The following MROH2A variants were observed in gnomAD, a reference collection of about 807,000 sequenced individuals.
MROH2A encodes the protein maestro heat-like repeat-containing protein family member 2A.
In MROH2A, 174 loss-of-function variants were observed where a neutral mutation model predicts 200.4. The ratio of observed to expected loss-of-function variants is 0.87; its 90% CI spans 0.77 to 0.98. The LOEUF (loss-of-function observed/expected upper bound fraction) is 0.98, where lower values mean the gene tolerates loss of function less well. MROH2A is among the 50% of genes least tolerant of loss of function. The pLI is 0.00. For synonymous variants in MROH2A, 829 were observed against 840.4 expected (o/e 0.99, Z 0.23); for missense variants, 2,045 against 2,139.6 (o/e 0.96, Z 0.87).
intron 35 of MROH2A, among the ~76,000 whole-genome samples, chr2:233,825,407 A>G (rs910330618): frequency 2.6e-4 from 39 of 152,322 alleles, no homozygotes; most frequent in Middle Eastern, 3.4e-3. Flanking sequence ...GCCGATTTTC[A>G]AAGGGAATGC....
intron 1 of MROH2A, among the ~76,000 whole-genome samples, chr2:233,778,840 C>T (rs1489227682): frequency 6.6e-6 from 1 of 152,182 alleles, no homozygotes; most frequent in Non-Finnish European, 1.5e-5. Flanking sequence ...AAAAGAACAT[C>T]CATTGATTAT....
At chr2:233,803,787 G>A (rs1400586599) in intron 16 of MROH2A, among the ~76,000 whole-genome samples, 3 of 152,130 alleles carry the variant, frequency 2.0e-5, no homozygotes, top group Non-Finnish European at 4.4e-5. Context: ...GCTCAGTCCA[G>A]GACCCATGAG....
At chr2:233,792,403 C>T (rs1309946445) in intron 5 of MROH2A, among the ~76,000 whole-genome samples, 1 of 151,742 alleles carries the variant, frequency 6.6e-6, no homozygotes, top group Admixed American at 6.6e-5. Context: ...AGCTCCGCCT[C>T]CCGGGTTCAC....
In MROH2A at chr2:233,822,966, G is replaced by A. The variant is rs1229666959; in HGVS notation, c.3952G>A (p.Asp1318Asn). Residue 1318 changes from aspartate (D) to asparagine (N), a missense_variant, in exon 34 of 42, where the codon GAC becomes AAC. Coordinates refer to ENST00000389758, the MANE Select transcript of MROH2A (RefSeq NM_001394639.1). ...AHTLDEQAVW[D>N]LLQDGGTFLE... ...TACCCTGGACGAGCAGGCAGTGTGG[G>A]ACCTCCTGCAGGACGGCGGGACATT... The A allele has an allele frequency of 6.4e-7, 1 of 1,550,446 alleles. No homozygotes were observed. The highest frequency in any genetic ancestry group is 1.4e-5 in the African/African-American group (1 of 73,042).
chr2:233,814,557 ATC>A (rs955086935), intron 25 of MROH2A, 23 bp from the exon 26 acceptor site: 3 of 1,535,050 alleles, frequency 2.0e-6, no homozygotes, highest in Non-Finnish European at 2.6e-6. Context: ...ATTGCCGCCT[ATC>A]TCTCTCTCCC....
chr2:233,782,260 T>C (rs369960690), intron 3 of MROH2A, among the ~76,000 whole-genome samples: 1 of 152,232 alleles, frequency 6.6e-6, no homozygotes, highest in Non-Finnish European at 1.5e-5. Flanking sequence ...GGTATTTTGA[T>C]AGAGATTTCA....
rs1420661147 is a variant in MROH2A, at chr2:233,798,787, T to C, written c.1266T>C (p.Ser422=). ...TTCCTCTTTCAGAGCCCAGGATGAG[T>C]ATCAGGGCCATCTACCTGGCTATCC... The part of the protein sequence containing the change: ...AIVSADEPRM[S]IRAIYLAIRV... The change falls in exon 12 of 42, where the codon AGT becomes AGC. Residue 422 remains serine (S), a synonymous_variant. Transcript: ENST00000389758. 1 of 1,550,088 alleles carries C rather than the reference T, an allele frequency of 6.5e-7. No homozygotes were observed. Among genetic ancestry groups the C allele is most frequent in the East Asian group, 2.4e-5 (1 of 40,886 alleles).
chr2:233,800,389 TC>T, intron 14 of MROH2A, 74 bp downstream of exon 14: 1 of 846,208 alleles, frequency 1.2e-6, no homozygotes, highest in Non-Finnish European at 1.8e-6. Flanking sequence ...TGCCCAGAAT[TC>T]CACATCTTTG....
intron 3 of MROH2A, among the ~76,000 whole-genome samples, chr2:233,787,794 A>ATC (rs55670598): frequency 9.4e-4 from 4 of 4,256 alleles, no homozygotes; most frequent in African/African-American, 4.1e-3. Context: ...TATCATATAT[A>ATC]ATATATATTA....
intron 24 of MROH2A, 100 bp downstream of exon 24, chr2:233,812,059 C>T: frequency 1.2e-6 from 1 of 821,884 alleles, no homozygotes; most frequent in South Asian, 1.5e-5. Flanking sequence ...TTTTTCCTCT[C>T]CTCCCTCTGT....
chr2:233,807,744 G>A lies in MROH2A; in HGVS notation c.2184G>A (p.Met728Ile), dbSNP rs1172273559. Residue 728 changes from methionine to isoleucine, a missense_variant, in exon 21 of 42, where the codon ATG becomes ATA. Met to Ile is a conservative substitution (Grantham distance 10, BLOSUM62 1). Around this residue, in one of 3 missense-constraint regions of MROH2A, gnomAD observed 1,201 missense variants for 1,311.3 expected, o/e 0.92. Transcript: ENST00000389758. This position sits in a 1 kb window ranked among gnomAD's most constrained non-coding sequence, Gnocchi z 4.3. Reference sequence around the variant, plus strand: ...GGGTCTCCCTGCAGGGTGTGATTATGTGCTTTGGCCTGTGTGCCCGGGGCC... The same window carrying A: ...GGGTCTCCCTGCAGGGTGTGATTATATGCTTTGGCCTGTGTGCCCGGGGCC... Reference protein sequence around the residue: ...SNDFDSEGVIMCFGLCARGQV... With the variant: ...SNDFDSEGVIICFGLCARGQV... The A allele has an allele frequency of 6.4e-7, 1 of 1,550,712 alleles. No homozygotes were observed. The highest frequency in any genetic ancestry group is 8.7e-7 in the Non-Finnish European group (1 of 1,147,014).
At chr2:233,789,097 A>G (rs1467212367) in intron 3 of MROH2A, among the ~76,000 whole-genome samples, 3 of 152,086 alleles carry the variant, frequency 2.0e-5, no homozygotes, top group African/African-American at 4.8e-5. Context: ...AAGCGCTATC[A>G]TGCAGGAATT....
At chr2:233,796,144 G>C in intron 10 of MROH2A, 56 bp from the exon 11 acceptor site, 6 of 1,518,868 alleles carry the variant, frequency 4.0e-6, no homozygotes, top group Non-Finnish European at 5.3e-6. Flanking sequence ...GGACTGCCTT[G>C]CTGGGCCTGC....
intron 27 of MROH2A, 58 bp downstream of exon 27, chr2:233,816,943 C>CAGATAGACACAGGAAT: frequency 9.7e-7 from 1 of 1,027,738 alleles, no homozygotes; most frequent in Non-Finnish European, 1.5e-6. Context: ...AGAAAAATTC[C>CAGATAGACACAGGAAT]TGTGTCTATC....
Position 233,829,034 on chromosome 2 carries a change from G to A in MROH2A, c.4408G>A (p.Asp1470Asn), listed in dbSNP as rs955830891. The A allele has an allele frequency of 2.1e-5, 33 of 1,548,024 alleles. No homozygotes were observed. Among genetic ancestry groups the A allele is most frequent in the Non-Finnish European group, 2.9e-5 (33 of 1,145,730 alleles). Residue 1470 changes from aspartate (D) to asparagine (N), a missense_variant, in exon 37 of 42, where the codon GAC becomes AAC. Physicochemically the swap from Asp to Asn is conservative, Grantham distance 23. Transcript: ENST00000389758. ...LREGDVGSSF[D>N]AMSEQCRIFF... ...GGAAGGGGATGTGGGGTCCTCTTTC[G>A]ACGCCATGTCTGAGCAGTGCAGGAT...
chr2:233,823,513 G>A, intron 34 of MROH2A, 43 bp from the exon 35 acceptor site: 1 of 1,533,306 alleles, frequency 6.5e-7, no homozygotes. Context: ...GTCAGGCAGG[G>A]GTGGGGCCGC....
intron 33 of MROH2A, 47 bp downstream of exon 33, chr2:233,822,603 G>A: frequency 1.3e-6 from 2 of 1,526,434 alleles, no homozygotes; most frequent in Non-Finnish European, 1.8e-6. Flanking sequence ...TGGGCTGGCT[G>A]TAGCCACGGG....
chr2:233,808,065 C>T (rs1192248528), intron 21 of MROH2A, among the ~76,000 whole-genome samples: 1 of 152,194 alleles, frequency 6.6e-6, no homozygotes, highest in Admixed American at 6.5e-5. Context: ...GTGGGCCTTT[C>T]CAGGACCCAG....
chr2:233,779,496 A>T (rs1700829230), intron 2 of MROH2A, 44 bp downstream of exon 2: 3 of 1,469,998 alleles, frequency 2.0e-6, no homozygotes, highest in Admixed American at 3.9e-5. Flanking sequence ...CCCATCTCAG[A>T]CACTAACTCT....
Sources: allele counts gnomAD v4.1 joint callset (sites outside exome capture counted in the v4.1 genomes callset), GRCh38; gene constraint gnomAD v4.1.1; regional missense constraint gnomAD v4.1.1; non-coding constraint Gnocchi (gnomAD v3.1); transcripts MANE v1.5; gene names NCBI Gene and HGNC (gene_info 2026-07-23, HGNC 2026-07-21).